The following L2HGDH variants were observed in gnomAD, a reference collection of about 807,000 sequenced individuals.
L2HGDH encodes the protein L-2-hydroxyglutarate dehydrogenase, mitochondrial.
L2HGDH carries 34 observed loss-of-function variants against 51.5 expected under a neutral mutation model. That is an observed-to-expected ratio of 0.66 (90% CI 0.50 to 0.88). The LOEUF is 0.88. L2HGDH is among the 40% of genes least tolerant of loss of function. The pLI, the probability that L2HGDH is intolerant of heterozygous loss-of-function variation, is 0.00. For synonymous variants in L2HGDH, 198 were observed against 197.9 expected (o/e 1.00, Z -0.01); for missense variants, 558 against 571.9 (o/e 0.98, Z 0.25).
chr14:50,302,807 A>G (rs1281704798), intron 2 of L2HGDH, 95 bp downstream of exon 2: 1 of 885,878 alleles, frequency 1.1e-6, no homozygotes, highest in Non-Finnish European at 1.9e-6. Flanking sequence ...ACAAACTAAG[A>G]AACTAACACT....
chr14:50,284,780 C>G (rs1890473014), intron 4 of L2HGDH, among the ~76,000 whole-genome samples: 1 of 152,172 alleles, frequency 6.6e-6, no homozygotes, highest in Non-Finnish European at 1.5e-5. Context: ...AGGATAACAT[C>G]CAGACGGTGA....
chr14:50,254,300 C>A (rs1162563838), intron 9 of L2HGDH, among the ~76,000 whole-genome samples: 4 of 151,390 alleles, frequency 2.6e-5, no homozygotes, highest in African/African-American at 7.3e-5. Context: ...ATCTTATGTA[C>A]CCCAAAAATA....
chr14:50,282,538 T>C (rs180996050), intron 5 of L2HGDH: 13 of 455,990 alleles, frequency 2.9e-5, no homozygotes, highest in Admixed American at 9.4e-5. Context: ...CCAGTATAGT[T>C]CAGTAATTAA....
At chr14:50,310,504 C>T (rs1788376431) in intron 1 of L2HGDH, among the ~76,000 whole-genome samples, 1 of 151,932 alleles carries the variant, frequency 6.6e-6, no homozygotes, top group African/African-American at 2.4e-5. Context: ...GCCAGGGGTT[C>T]GAGACCACCC....
At chr14:50,311,420 A>T (rs1209974670) in intron 1 of L2HGDH, 2 of 456,040 alleles carry the variant, frequency 4.4e-6, no homozygotes, top group South Asian at 1.5e-5. Context: ...CAGCCTTCAC[A>T]CAAACTGTTT....
At chr14:50,261,977 T>A (rs987659287) in intron 9 of L2HGDH, among the ~76,000 whole-genome samples, 5 of 152,204 alleles carry the variant, frequency 3.3e-5, no homozygotes, top group African/African-American at 1.2e-4. Flanking sequence ...AAGGACACCA[T>A]CCTGGGAAAC....
intron 1 of L2HGDH, among the ~76,000 whole-genome samples, chr14:50,309,300 T>G (rs1016540408): frequency 1.3e-5 from 2 of 152,212 alleles, no homozygotes; most frequent in African/African-American, 2.4e-5. Context: ...CAGTGGCTCA[T>G]GCCTGTAATC....
intron 9 of L2HGDH, 61 bp from the exon 10 acceptor site, chr14:50,247,314 C>A: frequency 1.3e-6 from 2 of 1,573,926 alleles, no homozygotes; most frequent in South Asian, 1.2e-5. Context: ...TACAAGTCAG[C>A]GTTTCCAAAA....
intron 3 of L2HGDH, among the ~76,000 whole-genome samples, chr14:50,298,160 C>T (rs1456881403): frequency 6.7e-6 from 1 of 150,220 alleles, no homozygotes; most frequent in Non-Finnish European, 1.5e-5. Flanking sequence ...TGGAGAATTG[C>T]TTGAACCCAG....
intron 1 of L2HGDH, among the ~76,000 whole-genome samples, chr14:50,309,789 C>T (rs537790873): frequency 6.6e-6 from 1 of 151,536 alleles, no homozygotes; most frequent in Non-Finnish European, 1.5e-5. Context: ...CTCAAGCGAT[C>T]CTCCTGCCTC....
chr14:50,288,246 G>A (rs1890670787), intron 4 of L2HGDH, among the ~76,000 whole-genome samples: 1 of 152,098 alleles, frequency 6.6e-6, no homozygotes, highest in African/African-American at 2.4e-5. Context: ...CTATTTTCGG[G>A]AAGGACATGT....
intron 6 of L2HGDH, among the ~76,000 whole-genome samples, chr14:50,274,347 A>C (rs1332515798): frequency 2.0e-5 from 3 of 150,076 alleles, no homozygotes. Flanking sequence ...AAAGATATAC[A>C]CATAGCCAAC....
At chr14:50,261,815 C>T (rs919721906) in intron 9 of L2HGDH, among the ~76,000 whole-genome samples, 1 of 152,118 alleles carries the variant, frequency 6.6e-6, no homozygotes, top group Non-Finnish European at 1.5e-5. Context: ...TAGAGACCAT[C>T]ATTTAACAAT....
intron 4 of L2HGDH, chr14:50,293,310 C>T: frequency 1.4e-6 from 1 of 701,938 alleles, no homozygotes; most frequent in Non-Finnish European, 2.6e-6. Flanking sequence ...TACACCTTGA[C>T]CCCTAACTTA....
At position 50,245,400 on chromosome 14, in the gene L2HGDH, C is replaced by T; in HGVS notation, c.*1658G>A. ...CAGAGATTGAAGAACAGGACAACCACTCAGTGTACCACTGTTTAGATTTCA... is the reference window on the plus strand; with the variant it reads ...CAGAGATTGAAGAACAGGACAACCATTCAGTGTACCACTGTTTAGATTTCA... On this transcript the variant is annotated 3_prime_UTR_variant, in exon 10 of 10. Coordinates refer to ENST00000267436, the MANE Select transcript of L2HGDH (RefSeq NM_024884.3). 1 of 985,386 alleles carries T rather than the reference C, an allele frequency of 1.0e-6. No individual in the cohort carries two copies. The highest frequency in any genetic ancestry group is 1.2e-6 in the Non-Finnish European group (1 of 829,894). The allele number at this position is 985,386 out of a possible 1,614,324, so 61.0% of individuals were successfully genotyped here.
intron 4 of L2HGDH, among the ~76,000 whole-genome samples, chr14:50,287,877 T>C (rs2139175537): frequency 1.3e-5 from 2 of 152,054 alleles, no homozygotes; most frequent in Middle Eastern, 6.8e-3. Flanking sequence ...TTTGTATTTT[T>C]AGTAGAGACG....
intron 1 of L2HGDH, among the ~76,000 whole-genome samples, chr14:50,310,039 C>A (rs889841306): frequency 6.6e-5 from 10 of 151,944 alleles, no homozygotes; most frequent in African/African-American, 2.4e-4. Context: ...CAAATTAATA[C>A]ATATGATTAA....
At chr14:50,309,143 G>A (rs1451021946) in intron 1 of L2HGDH, among the ~76,000 whole-genome samples, 2 of 152,184 alleles carry the variant, frequency 1.3e-5, no homozygotes, top group African/African-American at 4.8e-5. Flanking sequence ...CAGAGCAAAA[G>A]TTTTTCATTT....
chr14:50,254,091 A>G (rs1888517202), intron 9 of L2HGDH, among the ~76,000 whole-genome samples: 1 of 152,114 alleles, frequency 6.6e-6, no homozygotes, highest in African/African-American at 2.4e-5. Flanking sequence ...CCCCCCAAAA[A>G]TAGAAAGAAT....
Sources: gnomAD v4.1 joint callset for allele counts (sites outside exome capture counted in the v4.1 genomes callset) on GRCh38, gnomAD v4.1.1 for gene constraint, MANE v1.5 for transcripts, NCBI Gene and HGNC (gene_info 2026-07-23, HGNC 2026-07-21) for gene names.